Variants in TRMT11 observed in about 807,000 individuals in gnomAD.
TRMT11 encodes tRNA (guanine(10)-N(2))-methyltransferase TRMT11.
In TRMT11, 53 loss-of-function variants were observed where a neutral mutation model predicts 62.8. The observed-to-expected ratio is 0.84, with a 90% CI of 0.68 to 1.06. TRMT11 has a LOEUF of 1.06. Among genes scored for constraint, TRMT11 ranks in the 50% least tolerant of loss-of-function variants. The pLI is 0.00. For synonymous variants in TRMT11, 188 were observed against 190.3 expected (o/e 0.99, Z 0.10); for missense variants, 556 against 553.4 (o/e 1.00, Z -0.05).
chr6:126,002,887 G>A (rs564095064), intron 7 of TRMT11, among the ~76,000 whole-genome samples: 2 of 151,758 alleles, frequency 1.3e-5, no homozygotes, highest in African/African-American at 4.8e-5. Context: ...TCTTATTTTC[G>A]CTACTTTCTT....
At chr6:126,151,876 C>CTTT (rs1491348381) in intron 21 of TRMT11, among the ~76,000 whole-genome samples, 13 of 42,770 alleles carry the variant, frequency 3.0e-4, no homozygotes, top group Non-Finnish European at 4.3e-4. Context: ...CCTTCTTTCT[C>CTTT]CTTCCTTCCT....
chr6:126,031,241 G>A (rs1774137786), intron 12 of TRMT11, among the ~76,000 whole-genome samples: 1 of 152,132 alleles, frequency 6.6e-6, no homozygotes, highest in Admixed American at 6.5e-5. Flanking sequence ...AAAGCCATTT[G>A]CTTAACAATT....
At chr6:126,151,880 C>CT (rs1562334869) in intron 21 of TRMT11, among the ~76,000 whole-genome samples, 2 of 52,648 alleles carry the variant, frequency 3.8e-5, no homozygotes, top group Non-Finnish European at 3.6e-5. Flanking sequence ...CTTTCTCCTT[C>CT]CTTCCTTGTC....
intron 17 of TRMT11, among the ~76,000 whole-genome samples, chr6:126,058,953 C>G (rs965932347): frequency 2.0e-5 from 3 of 151,998 alleles, no homozygotes; most frequent in African/African-American, 7.3e-5. Flanking sequence ...TAGGAGCCTG[C>G]CTTGGGTTTT....
At chr6:125,995,578 C>T (rs1322699039) in intron 2 of TRMT11, among the ~76,000 whole-genome samples, 1 of 152,098 alleles carries the variant, frequency 6.6e-6, no homozygotes, top group Non-Finnish European at 1.5e-5. Context: ...AAAAAGGTCT[C>T]ATGTAGCAAC....
chr6:126,223,826 C>T, the TRMT11 span, among the ~76,000 whole-genome samples: 1 of 152,110 alleles, frequency 6.6e-6, no homozygotes, highest in Non-Finnish European at 1.5e-5. Flanking sequence ...TACATAATCC[C>T]ATATTTCTTG....
At chr6:126,229,997 G>A in the TRMT11 span, among the ~76,000 whole-genome samples, 1 of 151,976 alleles carries the variant, frequency 6.6e-6, no homozygotes, top group Admixed American at 6.6e-5. Flanking sequence ...TGAGACATGA[G>A]GGAACATCAC....
intron 12 of TRMT11, among the ~76,000 whole-genome samples, chr6:126,035,093 A>G (rs1774927390): frequency 6.6e-6 from 1 of 152,130 alleles, no homozygotes; most frequent in Non-Finnish European, 1.5e-5. Context: ...TTAAGGTAAT[A>G]AAAGTTCTGA....
chr6:126,083,135 T>G (rs1214148882), intron 17 of TRMT11, among the ~76,000 whole-genome samples: 2 of 152,182 alleles, frequency 1.3e-5, no homozygotes, highest in Non-Finnish European at 2.9e-5. Flanking sequence ...ACCATGATTG[T>G]TTGCTGGAAG....
chr6:126,230,300 C>G, the TRMT11 span, among the ~76,000 whole-genome samples: 1 of 152,204 alleles, frequency 6.6e-6, no homozygotes, highest in East Asian at 1.9e-4. Context: ...GCCTCGATCC[C>G]CTGTATGCCT....
chr6:126,222,536 C>T, the TRMT11 span, among the ~76,000 whole-genome samples: 5 of 151,934 alleles, frequency 3.3e-5, no homozygotes, highest in Non-Finnish European at 1.5e-5. Flanking sequence ...AGAGATGTTT[C>T]ACCTTCTCGG....
intron 12 of TRMT11, among the ~76,000 whole-genome samples, chr6:126,034,102 G>A (rs766677774): frequency 1.3e-5 from 2 of 151,866 alleles, no homozygotes; most frequent in African/African-American, 4.8e-5. Context: ...TAACTCTTTA[G>A]CCATTGTTTT....
At chr6:126,265,826 G>C in the TRMT11 span, among the ~76,000 whole-genome samples, 2 of 151,982 alleles carry the variant, frequency 1.3e-5, no homozygotes, top group Non-Finnish European at 2.9e-5. Context: ...ATGTTCTGAA[G>C]ACATTATATT....
In TRMT11 at chr6:125,996,274, G is replaced by A. The variant is rs150989679; in HGVS notation, c.212+234G>A. Among the ~76,000 whole-genome samples the A allele has an allele frequency of 1.8e-4, 27 of 152,324 alleles. No homozygotes were observed. The East Asian group carries it at 4.6e-3, about 26-fold the overall frequency. On this transcript the variant is annotated intron_variant, in intron 3 of 12. Transcript: ENST00000334379. ...TTTAGAATAATTTTTTAAAACTTCC[G>A]TATTATGCGGGAGTATAGTATGAGA...
Position 126,076,339 on chromosome 6 carries a change from A to G in TRMT11, c.*1437+23149A>G, listed in dbSNP as rs189558881. On this transcript the variant is annotated intron_variant and NMD_transcript_variant, in intron 17 of 22. Transcript: ENST00000648977. ...GCGGGGCCATATCTGCCTATGTGACAATAATTGTGCCCATATAATGCCATC... is the reference window on the plus strand; with the variant it reads ...GCGGGGCCATATCTGCCTATGTGACGATAATTGTGCCCATATAATGCCATC... Among the ~76,000 whole-genome samples the G allele has an allele frequency of 2.6e-5, 4 of 152,322 alleles. No individual in the cohort carries two copies. The East Asian group carries it at 7.7e-4, about 29-fold the overall frequency.
At chr6:126,038,097 C>T (rs906680647) in intron 12 of TRMT11, among the ~76,000 whole-genome samples, 3 of 152,014 alleles carry the variant, frequency 2.0e-5, no homozygotes, top group East Asian at 3.9e-4. Flanking sequence ...TACCATTAGA[C>T]GTCAGTCTGA....
At chr6:126,260,691 T>G in the TRMT11 span, among the ~76,000 whole-genome samples, 5 of 152,214 alleles carry the variant, frequency 3.3e-5, no homozygotes, top group Non-Finnish European at 5.9e-5. Context: ...ATAGTTGTGT[T>G]GGATATAGTA....
chr6:126,013,921 G>A (rs1794631997), intron 11 of TRMT11, among the ~76,000 whole-genome samples: 1 of 152,104 alleles, frequency 6.6e-6, no homozygotes, highest in African/African-American at 2.4e-5. Context: ...AAGGATTCAC[G>A]CTTCTGCTAC....
At chr6:126,175,788 G>A (rs951736213), upstream of TRMT11, among the ~76,000 whole-genome samples, 2 of 151,958 alleles carry the variant, frequency 1.3e-5, no homozygotes, top group African/African-American at 2.4e-5. Context: ...TTTTATTCTG[G>A]GATTGTTAGA....
Sources: allele counts gnomAD v4.1 joint callset (sites outside exome capture counted in the v4.1 genomes callset), GRCh38; gene constraint gnomAD v4.1.1; transcripts MANE v1.5; gene names NCBI Gene and HGNC (gene_info 2026-07-23, HGNC 2026-07-21).